PTPRO: variants seen among roughly 807,000 people sequenced by gnomAD.
PTPRO encodes protein tyrosine phosphatase receptor type O, also known as receptor-type tyrosine-protein phosphatase O.
PTPRO carries 62 observed loss-of-function variants against 145.2 expected under a neutral mutation model. That is an observed-to-expected ratio of 0.43 (90% CI 0.35 to 0.53). PTPRO has a LOEUF of 0.53. PTPRO is among the 20% of genes least tolerant of loss of function. PTPRO has a pLI of 0.01. For missense variants in PTPRO, 1,345 were observed against 1,482.7 expected (o/e 0.91, Z 1.53); for synonymous variants, 565 against 514.7 (o/e 1.10, Z -1.32).
At chr12:15,577,555 A>C (rs1944213297) in intron 19 of PTPRO, among the ~76,000 whole-genome samples, 1 of 152,224 alleles carries the variant, frequency 6.6e-6, no homozygotes, top group Admixed American at 6.5e-5. Flanking sequence ...GTATTCCTCC[A>C]GCTTTGATTC....
intron 1 of PTPRO, among the ~76,000 whole-genome samples, chr12:15,464,238 A>G (rs1405617048): frequency 6.6e-6 from 1 of 152,230 alleles, no homozygotes; most frequent in African/African-American, 2.4e-5. Context: ...ACTACAAGAA[A>G]GGCATGTTTC....
chr12:15,566,656 T>C (rs930053326), intron 18 of PTPRO, among the ~76,000 whole-genome samples: 1 of 152,008 alleles, frequency 6.6e-6, no homozygotes, highest in South Asian at 2.1e-4. Flanking sequence ...CAGTAGCTAA[T>C]ACTACAGGCA....
chr12:15,389,404 GC>G (rs2136284660), intron 1 of PTPRO, among the ~76,000 whole-genome samples: 1 of 152,190 alleles, frequency 6.6e-6, no homozygotes, highest in African/African-American at 2.4e-5. Context: ...ACCACACCTG[GC>G]CTCTCCAGGG....
chr12:15,374,481 C>T (rs754351820), intron 1 of PTPRO, among the ~76,000 whole-genome samples: 1 of 152,030 alleles, frequency 6.6e-6, no homozygotes, highest in East Asian at 1.9e-4. Flanking sequence ...AAACCCTTGC[C>T]CCTCTCCCCA....
At chr12:15,549,602 C>T (rs10459102) in intron 14 of PTPRO, among the ~76,000 whole-genome samples, 38,764 of 151,948 alleles carry the variant, frequency 0.26, 5,292 homozygotes, top group Middle Eastern at 0.41. Flanking sequence ...CATCTGTCAC[C>T]GATCAGAGAA....
intron 1 of PTPRO, among the ~76,000 whole-genome samples, chr12:15,331,840 G>A (rs1866616381): frequency 1.3e-5 from 2 of 151,974 alleles, no homozygotes; most frequent in South Asian, 4.2e-4. Flanking sequence ...TTGTTTTTGT[G>A]TGCCAGAATT....
At chr12:15,530,033 T>C (rs1013022649) in intron 12 of PTPRO, among the ~76,000 whole-genome samples, 1 of 152,074 alleles carries the variant, frequency 6.6e-6, no homozygotes, top group African/African-American at 2.4e-5. Context: ...AAAAAGATAT[T>C]CCATGCAACT....
intron 1 of PTPRO, among the ~76,000 whole-genome samples, chr12:15,350,136 T>G (rs988852271): frequency 6.6e-6 from 1 of 152,156 alleles, no homozygotes; most frequent in Non-Finnish European, 1.5e-5. Context: ...TGGAGAAATC[T>G]CCTGTTTCTA....
intron 1 of PTPRO, among the ~76,000 whole-genome samples, chr12:15,464,026 A>G (rs1477230494): frequency 1.3e-5 from 2 of 152,182 alleles, no homozygotes; most frequent in Non-Finnish European, 2.9e-5. Context: ...GTGAGGTCTC[A>G]TTTTCTGTAC....
At chr12:15,393,361 A>G (rs534672097) in intron 1 of PTPRO, among the ~76,000 whole-genome samples, 1 of 152,272 alleles carries the variant, frequency 6.6e-6, no homozygotes, top group Admixed American at 6.5e-5. Flanking sequence ...GAGTTTTCCC[A>G]CCTGTTTGTA....
chr12:15,395,384 T>C lies in PTPRO; in HGVS notation c.75+72583T>C, dbSNP rs570376156. ...GTTTTTGTGGTTGTTCCTGCTGCTG[T>C]TGTTTAGGATTGGGATGGTATTAAT... On this transcript the variant is annotated intron_variant, in intron 1 of 26. Coordinates refer to ENST00000281171, the MANE Select transcript of PTPRO (RefSeq NM_030667.3). 4.6e-5 allele frequency among the ~76,000 whole-genome samples: 7 copies of C among 152,262 alleles called. No homozygotes were observed. The South Asian group carries it at 1.5e-3, about 32-fold the overall frequency.
intron 18 of PTPRO, 50 bp downstream of exon 18, chr12:15,565,678 T>G: frequency 7.9e-7 from 1 of 1,268,004 alleles, no homozygotes; most frequent in South Asian, 1.2e-5. Flanking sequence ...TATAATAATC[T>G]TAACGTTCCA....
chr12:15,345,882 T>G (rs1413531314), intron 1 of PTPRO, among the ~76,000 whole-genome samples: 2 of 152,152 alleles, frequency 1.3e-5, no homozygotes, highest in African/African-American at 4.8e-5. Flanking sequence ...TTTTTTCCCC[T>G]AGCTTACAGA....
At chr12:15,527,352 A>C (rs891101508) in intron 12 of PTPRO, among the ~76,000 whole-genome samples, 2 of 152,252 alleles carry the variant, frequency 1.3e-5, no homozygotes, top group Non-Finnish European at 1.5e-5. Context: ...GAGGTAGTCA[A>C]CTAGTTTCCC....
In PTPRO at chr12:15,551,647, G is replaced by A; in HGVS notation, c.2534G>A (p.Arg845Lys). Residue 845 changes from arginine to lysine, a missense_variant, in exon 15 of 27, where the codon AGG (arginine) becomes AAG (lysine). By Grantham distance (26) the Arg-to-Lys change is conservative (BLOSUM62 2). Coordinates refer to ENST00000281171, the MANE Select transcript of PTPRO (RefSeq NM_030667.3). ...GLLLVTLIIL[R>K]KKHLQMAREC... is the part of the protein sequence containing the mutation. ...TTGCTTGTTACCCTCATTATTCTTA[G>A]GAAAAAGCATCTGCAGATGGCTAGG... 6.2e-7 allele frequency: 1 copy of A among 1,613,500 alleles called. No homozygotes were observed. Among genetic ancestry groups the A allele is most frequent in the Non-Finnish European group, 8.5e-7 (1 of 1,179,722 alleles).
intron 1 of PTPRO, among the ~76,000 whole-genome samples, chr12:15,390,557 G>A (rs1939160693): frequency 6.6e-6 from 1 of 152,052 alleles, no homozygotes; most frequent in Non-Finnish European, 1.5e-5. Context: ...GGAATTATGG[G>A]AGCTACAATT....
intron 17 of PTPRO, among the ~76,000 whole-genome samples, chr12:15,561,316 T>C (rs1056705539): frequency 6.6e-6 from 1 of 152,008 alleles, no homozygotes; most frequent in Non-Finnish European, 1.5e-5. Flanking sequence ...AAAAAGACAA[T>C]TGACCAAATG....
At chr12:15,534,311 A>G (rs1046659847) in intron 12 of PTPRO, among the ~76,000 whole-genome samples, 4 of 152,154 alleles carry the variant, frequency 2.6e-5, no homozygotes, top group African/African-American at 4.8e-5. Flanking sequence ...AAGGAAAGAA[A>G]AAACAGGAAT....
chr12:15,506,370 A>G (rs1942321310), intron 6 of PTPRO, among the ~76,000 whole-genome samples: 1 of 152,342 alleles, frequency 6.6e-6, no homozygotes, highest in East Asian at 1.9e-4. Flanking sequence ...CTATGACTTC[A>G]GGCAGCTTGT....
Sources: gnomAD v4.1 joint callset for allele counts (sites outside exome capture counted in the v4.1 genomes callset) on GRCh38, gnomAD v4.1.1 for gene constraint, MANE v1.5 for transcripts, NCBI Gene and HGNC (gene_info 2026-07-23, HGNC 2026-07-21) for gene names.